The following DNM3 variants were observed in gnomAD, a reference collection of about 807,000 sequenced individuals.
The protein encoded by DNM3 is dynamin 3, also known as dynamin-3.
Under a neutral mutation model 101.6 loss-of-function variants are expected in DNM3, and 47 were observed. The observed-to-expected ratio is 0.46, with a 90% CI of 0.37 to 0.59. The LOEUF is 0.59. DNM3 is among the 20% of genes least tolerant of loss of function. DNM3 has a pLI of 0.00. For missense variants in DNM3, 849 were observed against 1,085.7 expected (o/e 0.78, Z 3.06); for synonymous variants, 385 against 387.9 (o/e 0.99, Z 0.09).
chr1:171,917,555 G>C (rs2039818160), intron 1 of DNM3, among the ~76,000 whole-genome samples: 2 of 152,144 alleles, frequency 1.3e-5, no homozygotes, highest in African/African-American at 2.4e-5. Context: ...ATTGAGATGG[G>C]TTGAGAGAGA....
At chr1:171,878,243 T>C (rs1045932220) in intron 1 of DNM3, among the ~76,000 whole-genome samples, 2 of 152,158 alleles carry the variant, frequency 1.3e-5, no homozygotes, top group East Asian at 1.9e-4. Context: ...AAAAAAACCA[T>C]GTGAGATCAT....
chr1:172,080,162 T>C (rs1247774207), intron 11 of DNM3, among the ~76,000 whole-genome samples: 1 of 152,168 alleles, frequency 6.6e-6, no homozygotes, highest in Admixed American at 6.5e-5. Context: ...TGCTGGGAGA[T>C]CCGTCATTCT....
At chr1:172,314,637 TAGC>T (rs1275573799) in intron 16 of DNM3, among the ~76,000 whole-genome samples, 1 of 152,164 alleles carries the variant, frequency 6.6e-6, no homozygotes, top group Non-Finnish European at 1.5e-5. Context: ...CGCTGATTGC[TAGC>T]ACAGCAGTCT....
At chr1:172,004,039 G>A (rs755290226) in intron 4 of DNM3, among the ~76,000 whole-genome samples, 16 of 152,136 alleles carry the variant, frequency 1.1e-4, no homozygotes, top group Non-Finnish European at 2.2e-4. Context: ...GGATTTTGCA[G>A]GGAGGGTTGA....
intron 13 of DNM3, among the ~76,000 whole-genome samples, chr1:172,125,195 A>T (rs917988695): frequency 6.6e-6 from 1 of 152,186 alleles, no homozygotes; most frequent in South Asian, 2.1e-4. Flanking sequence ...CATGGATTAT[A>T]ACCTTTATCT....
chr1:172,390,125 A>AT (rs1419564218), intron 20 of DNM3, among the ~76,000 whole-genome samples: 2 of 151,962 alleles, frequency 1.3e-5, no homozygotes, highest in African/African-American at 2.4e-5. Flanking sequence ...TCTCAATCCA[A>AT]TTTTTTTTCT....
At chr1:171,901,116 AAAAAAAAAAAAAAAAG>A (rs2038298940) in intron 1 of DNM3, among the ~76,000 whole-genome samples, 1 of 146,888 alleles carries the variant, frequency 6.8e-6, no homozygotes, top group African/African-American at 2.5e-5. Context: ...CTGTCTCAAA[AAAAAAAAAAAAAAAAG>A]AAAGAAATCT....
At chr1:172,193,665 T>C (rs561337265) in intron 14 of DNM3, among the ~76,000 whole-genome samples, 17 of 152,334 alleles carry the variant, frequency 1.1e-4, no homozygotes, top group African/African-American at 4.1e-4. Flanking sequence ...TTTATGGTAT[T>C]ATCTGATGGT....
intron 14 of DNM3, among the ~76,000 whole-genome samples, chr1:172,180,258 G>A (rs1240459136): frequency 6.6e-6 from 1 of 152,188 alleles, no homozygotes; most frequent in East Asian, 1.9e-4. Context: ...GAGTTTGTAT[G>A]TTTACTGCAT....
intron 14 of DNM3, among the ~76,000 whole-genome samples, chr1:172,220,555 T>C (rs2060870660): frequency 6.6e-6 from 1 of 152,132 alleles, no homozygotes. Flanking sequence ...TTATATTTCT[T>C]GAAAATTTTC....
intron 16 of DNM3, among the ~76,000 whole-genome samples, chr1:172,317,236 G>T (rs1457273616): frequency 6.6e-6 from 1 of 151,068 alleles, no homozygotes; most frequent in Non-Finnish European, 1.5e-5. Context: ...CACATTCAAA[G>T]CAGTGTGTAG....
At chr1:172,067,863 A>G (rs1458565766) in intron 10 of DNM3, among the ~76,000 whole-genome samples, 1 of 152,210 alleles carries the variant, frequency 6.6e-6, no homozygotes, top group African/African-American at 2.4e-5. Flanking sequence ...TTAAAAAGTT[A>G]AAGGAGTCTC....
chr1:172,198,372 T>G lies in DNM3; in HGVS notation c.1660-55201T>G, dbSNP rs2060029891. Among the ~76,000 whole-genome samples, 4 of 152,036 alleles carry G rather than the reference T, an allele frequency of 2.6e-5. 1 individual carries two copies. In the South Asian group the frequency reaches 8.3e-4, roughly 32 times the overall value. On this transcript the variant is annotated intron_variant, in intron 14 of 20. Coordinates refer to ENST00000627582, the MANE Select transcript of DNM3 (RefSeq NM_015569.5). ...GTTCATCAAGGATATTGACCTGAAG[T>G]TTTCTTTTTTTGTTGTGTCTCTGAC... is the stretch of plus-strand genomic sequence containing the variant.
chr1:171,945,471 T>C (rs1450769431), intron 2 of DNM3, among the ~76,000 whole-genome samples: 1 of 152,198 alleles, frequency 6.6e-6, no homozygotes, highest in Non-Finnish European at 1.5e-5. Context: ...ACTTTGTTAT[T>C]GAAGTCAACT....
At chr1:171,934,660 G>A (rs2041273054) in intron 2 of DNM3, among the ~76,000 whole-genome samples, 1 of 152,132 alleles carries the variant, frequency 6.6e-6, no homozygotes, top group Non-Finnish European at 1.5e-5. Context: ...CTTAGGCAAG[G>A]TTAGACCTGG....
At chr1:171,885,583 G>A (rs146164711) in intron 1 of DNM3, among the ~76,000 whole-genome samples, 2,633 of 152,212 alleles carry the variant, frequency 0.017, 45 homozygotes, top group South Asian at 0.025. Flanking sequence ...AAATTTTAGA[G>A]GGCCTTGCTG....
At chr1:172,195,211 A>G (rs1365761346) in intron 14 of DNM3, among the ~76,000 whole-genome samples, 1 of 151,972 alleles carries the variant, frequency 6.6e-6, no homozygotes. Flanking sequence ...TGTATTTTTA[A>G]TTTCAAATCA....
intron 10 of DNM3, among the ~76,000 whole-genome samples, chr1:172,051,311 C>G (rs1025659572): frequency 3.3e-5 from 5 of 152,138 alleles, no homozygotes; most frequent in African/African-American, 1.2e-4. Flanking sequence ...ACTGTCACCA[C>G]CAAGTTCCAG....
Position 171,921,813 on chromosome 1 carries a change from C to T in DNM3, c.227C>T (p.Ser76Phe), listed in dbSNP as rs762099211. The change falls in exon 2 of 21, where the codon TCT becomes TTT. Residue 76 changes from serine to phenylalanine, a missense_variant. Coordinates refer to ENST00000627582, the MANE Select transcript of DNM3 (RefSeq NM_015569.5). ...CCTCTTGTGCTGCAGCTTGTTACTTCTAAAGCAGGTAATGAATGAAGATGT... is the reference window on the plus strand; with the variant it reads ...CCTCTTGTGCTGCAGCTTGTTACTTTTAAAGCAGGTAATGAATGAAGATGT... ...RRPLVLQLVT[S>F]KAEYAEFLHC... 3.1e-6 allele frequency: 5 copies of T among 1,600,470 alleles called. 1 individual carries two copies. The South Asian group carries it at 5.7e-5, about 18-fold the overall frequency.
Sources: allele counts gnomAD v4.1 joint callset (sites outside exome capture counted in the v4.1 genomes callset), GRCh38; gene constraint gnomAD v4.1.1; transcripts MANE v1.5; gene names NCBI Gene and HGNC (gene_info 2026-07-23, HGNC 2026-07-21).